DAW1: variants seen among roughly 807,000 people sequenced by gnomAD.
The protein encoded by DAW1 is dynein assembly factor with WD repeat domains 1.
In DAW1, 47 loss-of-function variants were observed where a neutral mutation model predicts 56.5. The ratio of observed to expected loss-of-function variants is 0.83; its 90% CI spans 0.66 to 1.06. The LOEUF is 1.06. Among genes scored for constraint, DAW1 ranks in the 50% least tolerant of loss-of-function variants. The pLI, the probability that DAW1 is intolerant of heterozygous loss-of-function variation, is 0.00. For synonymous variants in DAW1, 190 were observed against 179.0 expected (o/e 1.06, Z -0.49); for missense variants, 505 against 499.3 (o/e 1.01, Z -0.11).
At chr2:227,873,834 C>T (rs758201883) in intron 1 of DAW1, among the ~76,000 whole-genome samples, 1 of 152,118 alleles carries the variant, frequency 6.6e-6, no homozygotes, top group Non-Finnish European at 1.5e-5. Flanking sequence ...GTGTGCACTA[C>T]CAAGCCCAGC....
At chr2:227,907,600 T>C (rs1691715939) in intron 10 of DAW1, among the ~76,000 whole-genome samples, 1 of 152,200 alleles carries the variant, frequency 6.6e-6, no homozygotes, top group Non-Finnish European at 1.5e-5. Flanking sequence ...CAGGCTGCAG[T>C]GCAGTGGTGC....
intron 4 of DAW1, 111 bp downstream of exon 4, chr2:227,891,424 G>T: frequency 1.1e-6 from 1 of 901,130 alleles, no homozygotes; most frequent in Admixed American, 2.1e-5. Context: ...TCTGATTTCA[G>T]TACTCCCTTG....
At chr2:227,896,960 C>T (rs975596390) in intron 5 of DAW1, among the ~76,000 whole-genome samples, 1 of 151,832 alleles carries the variant, frequency 6.6e-6, no homozygotes, top group African/African-American at 2.4e-5. Context: ...GTGACATGTG[C>T]CTGTAGTCCC....
intron 5 of DAW1, among the ~76,000 whole-genome samples, chr2:227,895,001 AG>A (rs1338342734): frequency 6.6e-6 from 1 of 152,248 alleles, no homozygotes; most frequent in African/African-American, 2.4e-5. Flanking sequence ...GGTCTTTTCT[AG>A]GGAAGCATAA....
At chr2:227,905,479 A>G (rs957303234) in intron 8 of DAW1, among the ~76,000 whole-genome samples, 15 of 152,196 alleles carry the variant, frequency 9.9e-5, no homozygotes, top group African/African-American at 3.1e-4. Context: ...TTGTGTTGGA[A>G]AACTCTACTC....
chr2:227,917,306 G>A (rs948719546), intron 10 of DAW1, among the ~76,000 whole-genome samples: 5 of 150,218 alleles, frequency 3.3e-5, no homozygotes, highest in African/African-American at 1.2e-4. Context: ...TTTCGCCCAG[G>A]TGGGACTGCA....
chr2:227,906,126 TA>T, intron 8 of DAW1, 109 bp from the exon 9 acceptor site: 2 of 735,608 alleles, frequency 2.7e-6, no homozygotes, highest in South Asian at 3.0e-5. Context: ...TATTATTTTG[TA>T]AAAACCAGAT....
At chr2:227,911,280 G>GTA (rs796106774) in intron 10 of DAW1, among the ~76,000 whole-genome samples, 2 of 139,196 alleles carry the variant, frequency 1.4e-5, no homozygotes, top group Non-Finnish European at 3.1e-5. Flanking sequence ...ATATACACGT[G>GTA]TATATATACA....
chr2:227,920,592 G>A (rs1435276705), intron 11 of DAW1, among the ~76,000 whole-genome samples: 1 of 152,178 alleles, frequency 6.6e-6, no homozygotes, highest in African/African-American at 2.4e-5. Context: ...ATCCTTTCTT[G>A]TAGGTTCTAC....
chr2:227,885,243 A>T, intron 1 of DAW1, 108 bp from the exon 2 acceptor site: 1 of 739,132 alleles, frequency 1.4e-6, no homozygotes, highest in Non-Finnish European at 2.1e-6. Context: ...TTGTTAAAAA[A>T]TTAAAAATTT....
intron 11 of DAW1, among the ~76,000 whole-genome samples, chr2:227,920,708 G>A (rs568656138): frequency 6.6e-6 from 1 of 151,504 alleles, no homozygotes; most frequent in Non-Finnish European, 1.5e-5. Context: ...ATGGAGTCTT[G>A]CTCTGTTACC....
intron 11 of DAW1, among the ~76,000 whole-genome samples, chr2:227,920,642 G>A (rs962355168): frequency 1.3e-5 from 2 of 152,022 alleles, no homozygotes; most frequent in Non-Finnish European, 2.9e-5. Context: ...AAGGATCTGT[G>A]TGCTTTTTAA....
intron 12 of DAW1, among the ~76,000 whole-genome samples, chr2:227,922,677 TC>T (rs1692140170): frequency 6.6e-6 from 1 of 152,208 alleles, no homozygotes; most frequent in Non-Finnish European, 1.5e-5. Context: ...GAGAATTATC[TC>T]CCCTTACCAC....
At chr2:227,902,929 G>A (rs1220636602) in intron 6 of DAW1, 73 bp from the exon 7 acceptor site, 7 of 1,455,294 alleles carry the variant, frequency 4.8e-6, no homozygotes, top group Middle Eastern at 3.5e-4. Flanking sequence ...ATTGCATCTG[G>A]AAGATTTTCT....
Position 227,917,182 on chromosome 2 carries a change from A to G in DAW1, c.974-1598A>G, listed in dbSNP as rs376417120. 2.3e-3 allele frequency among the ~76,000 whole-genome samples: 327 copies of G among 142,856 alleles called. 5 individuals are homozygous for G. The highest frequency in any genetic ancestry group is 2.6e-3 in the East Asian group (12 of 4,696). 93.7% of individuals were successfully genotyped at this position (142,856 alleles called of 152,430 possible). A position where few individuals can be genotyped will look rare whatever the true frequency, so the allele number is the denominator to read the frequency against. On this transcript the variant is annotated intron_variant, in intron 10 of 12. Coordinates refer to ENST00000309931, the MANE Select transcript of DAW1 (RefSeq NM_178821.3). ...TGTCTGTCTGTCTGTCTGTCTGTCT[A>G]TCTATGTATCTATCCATCTATCGAT...
intron 10 of DAW1, among the ~76,000 whole-genome samples, chr2:227,913,957 A>C (rs981866010): frequency 2.7e-5 from 4 of 148,548 alleles, no homozygotes; most frequent in Non-Finnish European, 4.5e-5. Context: ...TCATCTATCT[A>C]ATCTATTGAG....
At chr2:227,889,777 C>T (rs1324524974) in intron 2 of DAW1, 79 bp from the exon 3 acceptor site, 1 of 1,195,736 alleles carries the variant, frequency 8.4e-7, no homozygotes, top group African/African-American at 1.6e-5. Flanking sequence ...TGAAGCAATA[C>T]AATCAATTCT....
chr2:227,908,579 G>T (rs1346038151), intron 10 of DAW1, among the ~76,000 whole-genome samples: 2 of 152,102 alleles, frequency 1.3e-5, no homozygotes, highest in African/African-American at 2.4e-5. Context: ...CATTGTGTCT[G>T]CACTATTTCC....
At chr2:227,901,676 A>G (rs927827920) in intron 6 of DAW1, among the ~76,000 whole-genome samples, 1 of 152,226 alleles carries the variant, frequency 6.6e-6, no homozygotes. Context: ...ATGACCGACC[A>G]AACCTGGATT....
Sources: gnomAD v4.1 joint callset for allele counts (sites outside exome capture counted in the v4.1 genomes callset) on GRCh38, gnomAD v4.1.1 for gene constraint, MANE v1.5 for transcripts, NCBI Gene and HGNC (gene_info 2026-07-23, HGNC 2026-07-21) for gene names.